COL4A6: variants seen among roughly 807,000 people sequenced by gnomAD.
COL4A6 encodes collagen alpha-6(IV) chain.
Under a neutral mutation model 126.7 loss-of-function variants are expected in COL4A6, and 59 were observed. The ratio of observed to expected loss-of-function variants is 0.47; its 90% CI spans 0.38 to 0.58. The LOEUF (loss-of-function observed/expected upper bound fraction) is 0.58. Among genes scored for constraint, COL4A6 ranks in the 20% least tolerant of loss-of-function variants. The pLI is 0.00. For missense variants in COL4A6, 1,285 were observed against 1,337.3 expected, an observed-to-expected ratio of 0.96 and a Z score of 0.61; for synonymous variants, 547 against 496.6, an observed-to-expected ratio of 1.10 and a Z score of -1.35.
chrX:108,159,449 T>C lies in COL4A6; in HGVS notation c.4812+13A>G. 1 of 1,211,439 alleles carries C rather than the reference T, an allele frequency of 8.3e-7. No homozygotes were observed. The highest frequency in any genetic ancestry group is 1.7e-5 in the African/African-American group (1 of 57,867). On this transcript the variant is annotated intron_variant, in intron 44 of 44. Coordinates refer to ENST00000334504, the MANE Select transcript of COL4A6 (RefSeq NM_033641.4). ...TGCCTCCAACTGGGGGAGGAGACAG[T>C]GCAGGACCTTACCATGAGGAAAGAG...
intron 37 of COL4A6, among the ~76,000 whole-genome samples, chrX:108,169,018 A>T (rs1474648689): frequency 9.0e-6 from 1 of 111,223 alleles, no homozygotes; most frequent in Non-Finnish European, 1.9e-5. Context: ...AACCCAACAA[A>T]TTCTAGTTGA....
At chrX:108,325,786 C>T (rs1367178702) in intron 2 of COL4A6, among the ~76,000 whole-genome samples, 1 of 107,912 alleles carries the variant, frequency 9.3e-6, no homozygotes, top group East Asian at 2.9e-4. Flanking sequence ...CAGTGTAACT[C>T]ACCATATTAG....
intron 2 of COL4A6, among the ~76,000 whole-genome samples, chrX:108,350,833 A>C (rs2148032926): frequency 9.0e-6 from 1 of 111,284 alleles, no homozygotes; most frequent in Admixed American, 9.6e-5. Flanking sequence ...CTTGGTACTT[A>C]GTACTGACTC....
intron 2 of COL4A6, among the ~76,000 whole-genome samples, chrX:108,382,777 C>G (rs190597497): frequency 1.1e-3 from 120 of 108,384 alleles, no homozygotes; most frequent in Non-Finnish European, 7.1e-4. Context: ...TGAAACCCCG[C>G]CTCTACTAAA....
In COL4A6 at chrX:108,347,111, C is replaced by T. The variant is rs774240985; in HGVS notation, c.64-36283G>A. The stretch of plus-strand genomic sequence containing the variant: ...ATTCCAGCTCAGGGTTGTGGGTGGC[C>T]GAAGCCCATCCTGGCAGCACAGGGG... On this transcript the variant is annotated intron_variant, in intron 2 of 44. Transcript: ENST00000334504. 5.4e-5 allele frequency among the ~76,000 whole-genome samples: 6 copies of T among 112,114 alleles called. No homozygotes were observed. In the South Asian group the frequency reaches 2.2e-3, roughly 42 times the overall value.
intron 2 of COL4A6, among the ~76,000 whole-genome samples, chrX:108,394,212 G>A (rs780092355): frequency 7.2e-5 from 8 of 110,889 alleles, no homozygotes; most frequent in South Asian, 7.7e-4. Context: ...GCTGATAAGC[G>A]GGAGTTGAAC....
At chrX:108,212,345 C>A (rs759807121) in intron 6 of COL4A6, among the ~76,000 whole-genome samples, 95 of 111,446 alleles carry the variant, frequency 8.5e-4, no homozygotes, top group African/African-American at 2.9e-3. Flanking sequence ...CACACAACTT[C>A]AGATTCAAAG....
At chrX:108,377,572 T>A (rs1483844062) in intron 2 of COL4A6, among the ~76,000 whole-genome samples, 1 of 105,427 alleles carries the variant, frequency 9.5e-6, no homozygotes, top group African/African-American at 3.6e-5. Context: ...TTTTTTTTTT[T>A]AAGTATTTAT....
chrX:108,351,388 C>G (rs1234281828), intron 2 of COL4A6, among the ~76,000 whole-genome samples: 1 of 109,854 alleles, frequency 9.1e-6, no homozygotes, highest in Non-Finnish European at 1.9e-5. Flanking sequence ...TTATAAAATT[C>G]AGTCTTTAAA....
At chrX:108,287,529 A>T (rs990683448) in intron 3 of COL4A6, among the ~76,000 whole-genome samples, 4 of 111,837 alleles carry the variant, frequency 3.6e-5, no homozygotes, top group African/African-American at 1.3e-4. Flanking sequence ...CTGAGGCATG[A>T]TCCTTTTAGT....
In COL4A6 at chrX:108,156,839, G is replaced by T; in HGVS notation, c.*161C>A. 3.7e-6 allele frequency: 2 copies of T among 533,774 alleles called. No homozygotes were observed. The highest frequency in any genetic ancestry group is 6.6e-5 in the East Asian group (2 of 30,333). 44.0% of individuals were successfully genotyped at this position (533,774 alleles called of 1,213,427 possible). A position where few individuals can be genotyped will look rare whatever the true frequency, so the allele number is the denominator to read the frequency against. ...TGGGCTCATCTCTATGGACCCGAGGGCTGGGGTGACGAGTGTCCGGTAGTC... is the reference window on the plus strand; with the variant it reads ...TGGGCTCATCTCTATGGACCCGAGGTCTGGGGTGACGAGTGTCCGGTAGTC... On this transcript the variant is annotated 3_prime_UTR_variant, in exon 45 of 45. Coordinates refer to ENST00000334504, the MANE Select transcript of COL4A6 (RefSeq NM_033641.4).
At chrX:108,176,729 G>C (rs918711657) in intron 28 of COL4A6, 112 bp downstream of exon 28, 2 of 869,674 alleles carry the variant, frequency 2.3e-6, no homozygotes, top group Non-Finnish European at 3.2e-6. Flanking sequence ...AAAAAGCCCT[G>C]TCCAAGTCCC....
At chrX:108,257,951 A>G (rs1056645815) in intron 3 of COL4A6, among the ~76,000 whole-genome samples, 3 of 111,900 alleles carry the variant, frequency 2.7e-5, no homozygotes, top group South Asian at 3.7e-4. Context: ...TTTTGATTCT[A>G]TATGAAAATA....
At chrX:108,408,459 T>C (rs1272392152) in intron 2 of COL4A6, among the ~76,000 whole-genome samples, 1 of 111,930 alleles carries the variant, frequency 8.9e-6, no homozygotes, top group African/African-American at 3.3e-5. Flanking sequence ...GGATCACTTA[T>C]TAAAACGACA....
Position 108,310,823 on chromosome X carries a change from C to T in COL4A6, c.69G>A (p.Glu23=). Residue 23 remains glutamate, a synonymous_variant, in exon 3 of 45, where the codon GAG becomes GAA. Coordinates refer to ENST00000334504, the MANE Select transcript of COL4A6 (RefSeq NM_033641.4). ...CLTEELAAAG[E]KSYGKPCGGQ... is the part of the protein sequence containing the mutation. ...CCCCACATGGCTTTCCATAAGACTT[C>T]TCTCCCTATTAAAAAAAGGAAAAAG... 1.7e-6 allele frequency: 2 copies of T among 1,200,578 alleles called. No individual in the cohort carries two copies. Among genetic ancestry groups the T allele is most frequent in the Non-Finnish European group, 2.3e-6 (2 of 887,655 alleles).
At chrX:108,419,168 T>C (rs1353405186) in intron 2 of COL4A6, among the ~76,000 whole-genome samples, 4 of 112,348 alleles carry the variant, frequency 3.6e-5, no homozygotes, top group African/African-American at 9.7e-5. Context: ...AGCATAAACA[T>C]AATGCTGTCA....
At chrX:108,234,752 G>C (rs1032572735) in intron 3 of COL4A6, among the ~76,000 whole-genome samples, 4 of 111,939 alleles carry the variant, frequency 3.6e-5, no homozygotes, top group Non-Finnish European at 7.5e-5. Flanking sequence ...AGATAGAGGA[G>C]GGCTTTTTAT....
At chrX:108,384,210 T>A (rs1400964877) in intron 2 of COL4A6, among the ~76,000 whole-genome samples, 1 of 111,627 alleles carries the variant, frequency 9.0e-6, no homozygotes, top group Admixed American at 9.6e-5. Context: ...CCTCTACCCA[T>A]CCACCCAGAC....
chrX:108,389,651 T>C (rs781519948), intron 2 of COL4A6, among the ~76,000 whole-genome samples: 1 of 111,287 alleles, frequency 9.0e-6, no homozygotes, highest in African/African-American at 3.3e-5. Context: ...CTCCTGAATA[T>C]AGCACCCTGA....
Sources: allele counts gnomAD v4.1 joint callset (sites outside exome capture counted in the v4.1 genomes callset), GRCh38; gene constraint gnomAD v4.1.1; transcripts MANE v1.5; gene names NCBI Gene and HGNC (gene_info 2026-07-23, HGNC 2026-07-21).